ZSWIM9: variants seen among roughly 807,000 people sequenced by gnomAD.
The protein encoded by ZSWIM9 is zinc finger SWIM-type containing 9.
ZSWIM9 carries 11 observed loss-of-function variants against 25.0 expected under a neutral mutation model. The ratio of observed to expected loss-of-function variants is 0.44; its 90% CI spans 0.28 to 0.73. The LOEUF (loss-of-function observed/expected upper bound fraction) is 0.73, where lower values mean the gene tolerates loss of function less well. Ranked by LOEUF, ZSWIM9 falls within the 30% of genes least tolerant of loss-of-function variation. The pLI is 0.16. For missense variants in ZSWIM9, 1,070 were observed against 1,296.5 expected, an observed-to-expected ratio of 0.83 and a Z score of 2.68; for synonymous variants, 562 against 582.1, an observed-to-expected ratio of 0.97 and a Z score of 0.50.
chr19:48,171,932 CTCT>C lies in ZSWIM9; in HGVS notation c.136_138del (p.Phe46del). 6.5e-7 allele frequency: 1 copy of C among 1,535,788 alleles called. No individual in the cohort carries two copies. The highest frequency in any genetic ancestry group is 8.7e-7 in the Non-Finnish European group (1 of 1,146,680). Reference sequence around the variant, plus strand: ...CGCGTGGTGCCAGCAGCGGCTGGCGCTCTTCTTCGTCAAGAGCTCCATGCACCT... The same window carrying C: ...CGCGTGGTGCCAGCAGCGGCTGGCGCTCTTCGTCAAGAGCTCCATGCACCT... On this transcript the variant is annotated inframe_deletion, in exon 2 of 4. Coordinates refer to ENST00000614654, the MANE Select transcript of ZSWIM9 (RefSeq NM_199341.4).
At position 48,182,732 on chromosome 19, in the gene ZSWIM9, C is replaced by T; in HGVS notation, c.553C>T (p.Leu185Phe). The change falls in exon 3 of 4, where the codon CTC becomes TTC. Residue 185 changes from leucine (L) to phenylalanine (F), a missense_variant. Physicochemically the swap from Leu to Phe is conservative, Grantham distance 22 (BLOSUM62 0). Around this residue, in one of 4 missense-constraint regions of ZSWIM9, gnomAD observed 265 missense variants for 339.0 expected, o/e 0.78. Coordinates refer to ENST00000614654, the MANE Select transcript of ZSWIM9 (RefSeq NM_199341.4). This position sits in a 1 kb window ranked among gnomAD's most constrained non-coding sequence, Gnocchi z 4.6. ...CGGCGTCCTGGACGCCCTGCACGTG[C>T]TCGAGGGCCTCTTCCGCACCGACCC... ...DHGVLDALHV[L>F]EGLFRTDPEA... 6.5e-7 allele frequency: 1 copy of T among 1,534,446 alleles called. No individual in the cohort carries two copies. Among genetic ancestry groups the T allele is most frequent in the Non-Finnish European group, 8.7e-7 (1 of 1,145,758 alleles).
intron 2 of ZSWIM9, chr19:48,180,977 G>A (rs1035572616): frequency 2.2e-4 from 33 of 150,866 alleles, no homozygotes; most frequent in African/African-American, 7.8e-4. Flanking sequence ...AGTAGAGACA[G>A]GGTTTCACCA....
Position 48,194,985 on chromosome 19 carries a change from G to T in ZSWIM9, c.921G>T (p.Gln307His). The T allele has an allele frequency of 7.5e-7, 1 of 1,333,422 alleles. No individual in the cohort carries two copies. Among genetic ancestry groups the T allele is most frequent in the South Asian group, 1.6e-5 (1 of 62,146 alleles). 82.6% of individuals were successfully genotyped at this position (1,333,422 alleles called of 1,614,324 possible). A position where few individuals can be genotyped will look rare whatever the true frequency, so the allele number is the denominator to read the frequency against. ...CGGCGCAGTTGCCTGCAGTGCGCCA[G>T]CTGCTGCCCTGCGCGCGCGTGCAGA... ...EVAAQLPAVR[Q>H]LLPCARVQIC... The change falls in exon 4 of 4, where the codon CAG (glutamine) becomes CAT (histidine). Residue 307 changes from glutamine to histidine, a missense_variant. Gln to His is a conservative substitution (Grantham distance 24). Around this residue, in one of 4 missense-constraint regions of ZSWIM9, gnomAD observed 184 missense variants for 243.1 expected, o/e 0.76. Transcript: ENST00000614654. The surrounding 1 kb of genome is among the most constrained non-coding windows in gnomAD (Gnocchi z 6.0).
chr19:48,172,486 T>TTTTTTG (rs796176536), intron 2 of ZSWIM9, among the ~76,000 whole-genome samples: 36 of 151,984 alleles, frequency 2.4e-4, no homozygotes, highest in Admixed American at 1.1e-3. Context: ...TTTTGTGTGG[T>TTTTTTG]TTTTTGTTTT....
intron 2 of ZSWIM9, among the ~76,000 whole-genome samples, chr19:48,178,509 G>A (rs888121061): frequency 1.3e-5 from 2 of 152,030 alleles, no homozygotes; most frequent in Non-Finnish European, 2.9e-5. Context: ...ACCAGGCCCC[G>A]GGCAGTCTGT....
intron 3 of ZSWIM9, among the ~76,000 whole-genome samples, chr19:48,192,761 T>A (rs917600487): frequency 6.6e-6 from 1 of 151,294 alleles, no homozygotes; most frequent in African/African-American, 2.4e-5. Context: ...CTGAGAAAAA[T>A]TGTTATAGTC....
intron 3 of ZSWIM9, among the ~76,000 whole-genome samples, chr19:48,186,120 T>A (rs1247923873): frequency 6.6e-6 from 1 of 152,212 alleles, no homozygotes; most frequent in East Asian, 1.9e-4. Context: ...TTTATCGAAA[T>A]GTAAACAACC....
chr19:48,171,430 G>A lies in ZSWIM9; in HGVS notation c.-9-364G>A, dbSNP rs1032730004. ...ACAGCTGGAAGGGGAGGAGGTTTTA[G>A]CTGGAATTTGAGAACACATTTGAGG... is the stretch of plus-strand genomic sequence containing the variant. On this transcript the variant is annotated intron_variant, in intron 1 of 3. Coordinates refer to ENST00000614654, the MANE Select transcript of ZSWIM9 (RefSeq NM_199341.4). 16 of 977,044 alleles carry A rather than the reference G, an allele frequency of 1.6e-5. No homozygotes were observed. In the African/African-American group the frequency reaches 2.6e-4, roughly 16 times the overall value. 60.5% of individuals were successfully genotyped at this position (977,044 alleles called of 1,614,324 possible).
chr19:48,171,336 A>G (rs1231284471), intron 1 of ZSWIM9: 1 of 985,294 alleles, frequency 1.0e-6, no homozygotes, highest in Non-Finnish European at 1.2e-6. Context: ...GTTACAGCCA[A>G]CTGTTGGCAC....
chr19:48,191,084 GTATGTGTA>G (rs1431219408), intron 3 of ZSWIM9, among the ~76,000 whole-genome samples: 2 of 142,848 alleles, frequency 1.4e-5, no homozygotes, highest in South Asian at 2.2e-4. Context: ...AGTGCAGTGT[GTATGTGTA>G]TGTGTGTGTG....
intron 1 of ZSWIM9, chr19:48,171,245 G>A (rs939712087): frequency 2.0e-6 from 2 of 985,438 alleles, no homozygotes; most frequent in Non-Finnish European, 2.4e-6. Context: ...CGGAGCCACA[G>A]GTGCATGAAG....
intron 3 of ZSWIM9, among the ~76,000 whole-genome samples, chr19:48,188,583 A>G (rs2037058244): frequency 6.6e-6 from 1 of 152,234 alleles, no homozygotes; most frequent in Middle Eastern, 3.4e-3. Flanking sequence ...GGGTCCAGTC[A>G]CATCTCCATT....
intron 2 of ZSWIM9, chr19:48,174,546 CA>C (rs1419643170): frequency 6.6e-6 from 1 of 152,198 alleles, no homozygotes. Flanking sequence ...AAATGGGAGA[CA>C]TAATAGTGTC....
At chr19:48,178,117 C>T (rs530582130) in intron 2 of ZSWIM9, among the ~76,000 whole-genome samples, 5 of 152,282 alleles carry the variant, frequency 3.3e-5, no homozygotes, top group African/African-American at 9.6e-5. Flanking sequence ...AGGCTGGTCT[C>T]GAACTCCTGA....
Position 48,194,808 on chromosome 19 carries a change from C to A in ZSWIM9, c.744C>A (p.Cys248Ter). Residue 248 changes from cysteine to a stop codon, truncating the protein, a stop_gained, in exon 4 of 4, where the codon TGC becomes TGA. Coordinates refer to ENST00000614654, the MANE Select transcript of ZSWIM9 (RefSeq NM_199341.4). LOFTEE classifies it low-confidence loss of function (END_TRUNC). The surrounding 1 kb of genome is among the most constrained non-coding windows in gnomAD (Gnocchi z 6.0). ...CGCTGGATCTGCTGGCCGTGCTGTG[C>A]GTGGACGGCTCGGGCCGTGCGCGCC... ...QGALDLLAVL[C>*]VDGSGRARQA... is the part of the protein sequence containing the mutation. The A allele has an allele frequency of 6.6e-7, 1 of 1,513,688 alleles. No individual in the cohort carries two copies. 93.8% of individuals were successfully genotyped at this position (1,513,688 alleles called of 1,614,324 possible).
In ZSWIM9 at chr19:48,182,954, CT is replaced by C. The variant is rs750283243; in HGVS notation, c.588+188del. 3.3e-6 allele frequency: 2 copies of C among 598,994 alleles called. No individual in the cohort carries two copies. Among genetic ancestry groups the C allele is most frequent in the Non-Finnish European group, 5.9e-6 (2 of 337,856 alleles). The allele number at this position is 598,994 out of a possible 1,614,324, so 37.1% of individuals were successfully genotyped here. A position where few individuals can be genotyped will look rare whatever the true frequency, so the allele number is the denominator to read the frequency against. Reference sequence around the variant, plus strand: ...CAGCAGCAAACCAGACCCACGTGGTCTCTGTCCGCAGAGAGCTTACCTTCTA... The same window carrying C: ...CAGCAGCAAACCAGACCCACGTGGTCCTGTCCGCAGAGAGCTTACCTTCTA... On this transcript the variant is annotated intron_variant, in intron 3 of 3. Coordinates refer to ENST00000614654, the MANE Select transcript of ZSWIM9 (RefSeq NM_199341.4). The surrounding 1 kb of genome is among the most constrained non-coding windows in gnomAD (Gnocchi z 4.6).
intron 2 of ZSWIM9, among the ~76,000 whole-genome samples, chr19:48,177,138 G>A (rs2036901788): frequency 6.6e-6 from 1 of 152,138 alleles, no homozygotes; most frequent in Admixed American, 6.6e-5. Flanking sequence ...GCCAGGATAT[G>A]GTCAGGGAAG....
In ZSWIM9 at chr19:48,197,360, G is replaced by A. The variant is rs2037181318; in HGVS notation, c.*533G>A. The A allele has an allele frequency of 1.4e-6, 1 of 693,668 alleles. No homozygotes were observed. Among genetic ancestry groups the A allele is most frequent in the African/African-American group, 1.8e-5 (1 of 56,942 alleles). 43.0% of individuals were successfully genotyped at this position (693,668 alleles called of 1,614,324 possible). On this transcript the variant is annotated 3_prime_UTR_variant, in exon 4 of 4. Coordinates refer to ENST00000614654, the MANE Select transcript of ZSWIM9 (RefSeq NM_199341.4). ...ATGAAGACATGAGGAAAAGCTGGGG[G>A]AAGCAGGAGAGGAAGGGACGGGATG...
At chr19:48,178,027 A>G (rs1166238418) in intron 2 of ZSWIM9, among the ~76,000 whole-genome samples, 7 of 152,154 alleles carry the variant, frequency 4.6e-5, no homozygotes, top group Non-Finnish European at 7.4e-5. Flanking sequence ...CCTCCTGAGT[A>G]GCTGGGATTA....
Sources: allele counts gnomAD v4.1 joint callset (sites outside exome capture counted in the v4.1 genomes callset), GRCh38; gene constraint gnomAD v4.1.1; regional missense constraint gnomAD v4.1.1; non-coding constraint Gnocchi (gnomAD v3.1); transcripts MANE v1.5; gene names NCBI Gene and HGNC (gene_info 2026-07-23, HGNC 2026-07-21).